Variants in NAT2 observed in about 807,000 individuals in gnomAD.
NAT2 encodes arylamine N-acetyltransferase 2.
For missense variants in NAT2, 428 were observed against 339.1 expected, an observed-to-expected ratio of 1.26 and a Z score of -2.06; for synonymous variants, 137 against 125.9, an observed-to-expected ratio of 1.09 and a Z score of -0.59.
intron 1 of NAT2, among the ~76,000 whole-genome samples, 169 bp downstream of exon 1, chr8:18,391,514 C>T (rs1415009905): frequency 6.6e-6 from 1 of 150,478 alleles, no homozygotes; most frequent in African/African-American, 2.4e-5. Flanking sequence ...AGGTCAGACA[C>T]GCCTCATTAT....
At chr8:18,388,904 A>G (rs1004517862), upstream of NAT2, among the ~76,000 whole-genome samples, 26 of 152,190 alleles carry the variant, frequency 1.7e-4, no homozygotes, top group African/African-American at 6.0e-4. Flanking sequence ...AACTTTGATG[A>G]AGTCAAATTT....
At chr8:18,391,922 C>G (rs1421073934) in intron 1 of NAT2, among the ~76,000 whole-genome samples, 2 of 152,196 alleles carry the variant, frequency 1.3e-5, no homozygotes, top group Non-Finnish European at 2.9e-5. Flanking sequence ...CCTTTTAACT[C>G]AAGCATTTAA....
chr8:18,399,902 T>G (rs1800757260), intron 1 of NAT2, 96 bp from the exon 2 acceptor site: 1 of 1,330,446 alleles, frequency 7.5e-7, no homozygotes, highest in Non-Finnish European at 1.0e-6. Flanking sequence ...CATTGTGTTT[T>G]TACGTATTTA....
upstream of NAT2, among the ~76,000 whole-genome samples, chr8:18,389,501 A>G (rs1800560095): frequency 6.6e-6 from 1 of 152,238 alleles, no homozygotes; most frequent in Non-Finnish European, 1.5e-5. Context: ...TTCACTGGGA[A>G]TCAGAGAAGT....
Position 18,401,188 on chromosome 8 carries a change from T to A in NAT2, c.*312T>A, listed in dbSNP as rs938558695. On this transcript the variant is annotated 3_prime_UTR_variant, in exon 2 of 2. Transcript: ENST00000286479. The stretch of plus-strand genomic sequence containing the variant: ...TGTTGAATTCATAGTAAATTTTTAC[T>A]GGTAAATGAATAAAGAATATTGTGG... 1.4e-5 allele frequency: 3 copies of A among 220,810 alleles called. No individual in the cohort carries two copies. The highest frequency in any genetic ancestry group is 2.3e-5 in the African/African-American group (1 of 43,486). 13.7% of individuals were successfully genotyped at this position (220,810 alleles called of 1,614,324 possible).
At chr8:18,395,660 C>T (rs1012624463) in intron 1 of NAT2, among the ~76,000 whole-genome samples, 13 of 152,036 alleles carry the variant, frequency 8.6e-5, no homozygotes, top group Middle Eastern at 3.4e-3. Context: ...TTCTTCAGTC[C>T]CCACTTTGAA....
At chr8:18,391,957 C>G (rs1372861510) in intron 1 of NAT2, among the ~76,000 whole-genome samples, 3 of 152,206 alleles carry the variant, frequency 2.0e-5, no homozygotes, top group African/African-American at 7.2e-5. Context: ...AGTCTTTAGA[C>G]AAAACTTAAC....
chr8:18,394,405 A>AT (rs1423849217), intron 1 of NAT2, among the ~76,000 whole-genome samples: 1 of 152,112 alleles, frequency 6.6e-6, no homozygotes, highest in Non-Finnish European at 1.5e-5. Context: ...ACTTGGTCTG[A>AT]TTTTTTGCAT....
At chr8:18,397,600 T>G (rs946047445) in intron 1 of NAT2, among the ~76,000 whole-genome samples, 8 of 152,170 alleles carry the variant, frequency 5.3e-5, no homozygotes, top group Non-Finnish European at 1.2e-4. Context: ...TTTATAGTCG[T>G]CTTTCTGGAA....
intron 1 of NAT2, among the ~76,000 whole-genome samples, chr8:18,396,469 G>C (rs1042976495): frequency 4.6e-5 from 7 of 152,096 alleles, no homozygotes; most frequent in South Asian, 2.1e-4. Flanking sequence ...CTGTCAGCCA[G>C]GCTGGAGTGC....
intron 1 of NAT2, among the ~76,000 whole-genome samples, chr8:18,393,619 G>C (rs974083144): frequency 2.0e-5 from 3 of 152,198 alleles, no homozygotes; most frequent in Non-Finnish European, 4.4e-5. Flanking sequence ...TGAACTTTCT[G>C]AGAAGGCCTC....
intron 1 of NAT2, among the ~76,000 whole-genome samples, chr8:18,393,090 G>C (rs1800617792): frequency 6.6e-6 from 1 of 151,920 alleles, no homozygotes; most frequent in Non-Finnish European, 1.5e-5. Flanking sequence ...TTGTTGGCCA[G>C]TGGAAACCAT....
upstream of NAT2, among the ~76,000 whole-genome samples, chr8:18,388,752 A>G (rs143494146): frequency 5.9e-5 from 9 of 152,366 alleles, no homozygotes; most frequent in African/African-American, 2.2e-4. Flanking sequence ...TTCTACGTGT[A>G]TAAGTCACAG....
chr8:18,386,881 G>A (rs1800513028), upstream of NAT2, among the ~76,000 whole-genome samples: 1 of 152,188 alleles, frequency 6.6e-6, no homozygotes, highest in Non-Finnish European at 1.5e-5. Context: ...ATTCTTTTCT[G>A]CGTGCCTGAT....
chr8:18,401,101 G>A lies in NAT2; in HGVS notation c.*225G>A, dbSNP rs1800785035. 3 of 393,658 alleles carry A rather than the reference G, an allele frequency of 7.6e-6. No homozygotes were observed. The South Asian group carries it at 3.1e-4, about 41-fold the overall frequency. 24.4% of individuals were successfully genotyped at this position (393,658 alleles called of 1,614,324 possible). A position where few individuals can be genotyped will look rare whatever the true frequency, so the allele number is the denominator to read the frequency against. On this transcript the variant is annotated 3_prime_UTR_variant, in exon 2 of 2. Transcript: ENST00000286479. ...ATAAAAATAAAGGCATTTTAAGGAT[G>A]GCCTGTGATTATCTTGGGAAGCAGA...
chr8:18,390,133 G>A (rs188373092), upstream of NAT2, among the ~76,000 whole-genome samples: 373 of 152,258 alleles, frequency 2.4e-3, no homozygotes, highest in African/African-American at 8.6e-3. Flanking sequence ...GCTGAGTGGT[G>A]GTCCCAGGTG....
chr8:18,394,398 T>TG (rs1178169233), intron 1 of NAT2, among the ~76,000 whole-genome samples: 1 of 152,196 alleles, frequency 6.6e-6, no homozygotes, highest in Non-Finnish European at 1.5e-5. Flanking sequence ...TTACTATACT[T>TG]GGTCTGATTT....
chr8:18,398,790 A>G (rs991727815), intron 1 of NAT2, among the ~76,000 whole-genome samples: 9 of 152,152 alleles, frequency 5.9e-5, no homozygotes, highest in Non-Finnish European at 8.8e-5. Context: ...AAATGCCTCA[A>G]TAGAGTTTCA....
upstream of NAT2, among the ~76,000 whole-genome samples, chr8:18,390,173 C>T (rs541750509): frequency 6.9e-6 from 1 of 144,016 alleles, no homozygotes; most frequent in South Asian, 2.3e-4. Flanking sequence ...TGCCCAAGCA[C>T]AGGCCAAAAG....
Sources: gnomAD v4.1 joint callset for allele counts (sites outside exome capture counted in the v4.1 genomes callset) on GRCh38, gnomAD v4.1.1 for gene constraint, MANE v1.5 for transcripts, NCBI Gene and HGNC (gene_info 2026-07-23, HGNC 2026-07-21) for gene names.